TRIM5: variants seen among roughly 807,000 people sequenced by gnomAD.
TRIM5 encodes the protein tripartite motif containing 5, also known as tripartite motif-containing protein 5.
A neutral mutation model predicts 35.6 loss-of-function variants in TRIM5; 31 were observed. The ratio of observed to expected loss-of-function variants is 0.87; its 90% CI spans 0.65 to 1.18. The LOEUF (loss-of-function observed/expected upper bound fraction) is 1.18, where lower values mean the gene tolerates loss of function less well. TRIM5 is among the 50% of genes most tolerant of loss of function. The pLI is 0.00. For synonymous variants in TRIM5, 243 were observed against 215.6 expected, an observed-to-expected ratio of 1.13 and a Z score of -1.11; for missense variants, 609 against 591.6, an observed-to-expected ratio of 1.03 and a Z score of -0.31.
the TRIM5 span, chr11:5,644,346 A>T: frequency 5.0e-6 from 2 of 398,194 alleles, no homozygotes; most frequent in Admixed American, 4.4e-5. Flanking sequence ...AATGTAATGC[A>T]TCGATTTAGT....
chr11:5,671,773 T>C (rs913887396), intron 4 of TRIM5, among the ~76,000 whole-genome samples: 1 of 151,852 alleles, frequency 6.6e-6, no homozygotes, highest in Non-Finnish European at 1.5e-5. Flanking sequence ...TAAGATCTAT[T>C]ACATGTATGT....
chr11:5,621,986 G>C, the TRIM5 span, among the ~76,000 whole-genome samples: 7 of 152,058 alleles, frequency 4.6e-5, no homozygotes, highest in Admixed American at 3.3e-4. Flanking sequence ...AGGCTGTCAG[G>C]GACACATGTC....
At chr11:5,613,442 G>A in the TRIM5 span, among the ~76,000 whole-genome samples, 13 of 152,282 alleles carry the variant, frequency 8.5e-5, no homozygotes, top group East Asian at 1.7e-3. Flanking sequence ...TTGTTCTAAG[G>A]CACCGTTTTA....
chr11:5,623,327 CG>C, the TRIM5 span, among the ~76,000 whole-genome samples: 1 of 151,404 alleles, frequency 6.6e-6, no homozygotes, highest in Non-Finnish European at 1.5e-5. Context: ...AAAGTAATTG[CG>C]GTTCTTGCTA....
Position 5,664,415 on chromosome 11 carries a change from G to A in TRIM5, c.*394C>T, listed in dbSNP as rs904130422. ...GAGGGTAAACTGACACAGGGCTAAG[G>A]ACTCATTCATTGGTGAACAATTATC... On this transcript the variant is annotated 3_prime_UTR_variant, in exon 8 of 8. Transcript: ENST00000380034. 1 of 1,007,304 alleles carries A rather than the reference G, an allele frequency of 9.9e-7. No individual in the cohort carries two copies. Among genetic ancestry groups the A allele is most frequent in the South Asian group, 4.2e-5 (1 of 23,940 alleles). 62.4% of individuals were successfully genotyped at this position (1,007,304 alleles called of 1,614,324 possible). A position where few individuals can be genotyped will look rare whatever the true frequency, so the allele number is the denominator to read the frequency against.
At position 5,663,222 on chromosome 11, in the gene TRIM5, A is replaced by C. The variant is rs978567267; in HGVS notation, c.*1587T>G. 21 of 939,552 alleles carry C rather than the reference A, an allele frequency of 2.2e-5. No individual in the cohort carries two copies. The African/African-American group carries it at 3.7e-4, about 17-fold the overall frequency. 58.2% of individuals were successfully genotyped at this position (939,552 alleles called of 1,614,324 possible). A position where few individuals can be genotyped will look rare whatever the true frequency, so the allele number is the denominator to read the frequency against. ...TAGAAATGAGTGAAGCTATTCAAAA[A>C]ACTCGTTTAACTTTTAAAAAACTAC... On this transcript the variant is annotated 3_prime_UTR_variant, in exon 8 of 8. Coordinates refer to ENST00000380034, the MANE Select transcript of TRIM5 (RefSeq NM_033034.3).
the TRIM5 span, among the ~76,000 whole-genome samples, chr11:5,629,941 C>T: frequency 4.6e-5 from 7 of 152,208 alleles, no homozygotes; most frequent in African/African-American, 7.2e-5. Flanking sequence ...CTCCTTACCT[C>T]GTGATCCGCC....
chr11:5,627,520 C>T, the TRIM5 span, among the ~76,000 whole-genome samples: 1 of 152,160 alleles, frequency 6.6e-6, no homozygotes, highest in East Asian at 1.9e-4. Flanking sequence ...AGCATATTCT[C>T]ACGAAGTAAC....
At chr11:5,659,730 G>T (rs1850748895), downstream of TRIM5, among the ~76,000 whole-genome samples, 1 of 151,164 alleles carries the variant, frequency 6.6e-6, no homozygotes, top group Non-Finnish European at 1.5e-5. Context: ...TCCTGTTCTG[G>T]ATTCTGTATA....
chr11:5,603,365 G>C, the TRIM5 span: 2 of 1,613,956 alleles, frequency 1.2e-6, no homozygotes, highest in Non-Finnish European at 1.7e-6. Context: ...TGCCCTATCT[G>C]CCTGGAGCTC....
chr11:5,605,330 C>T, the TRIM5 span: 3 of 1,613,940 alleles, frequency 1.9e-6, no homozygotes, highest in African/African-American at 1.3e-5. Flanking sequence ...CTTCCCTGTT[C>T]CTGAAGAATC....
chr11:5,591,840 T>C, the TRIM5 span, among the ~76,000 whole-genome samples: 75 of 152,346 alleles, frequency 4.9e-4, no homozygotes, highest in Non-Finnish European at 7.5e-4. Context: ...GGGTTCCACC[T>C]GTGGTTGCAT....
the TRIM5 span, among the ~76,000 whole-genome samples, chr11:5,618,171 A>G: frequency 6.6e-6 from 1 of 152,194 alleles, no homozygotes; most frequent in Non-Finnish European, 1.5e-5. Flanking sequence ...TTACTGTTTG[A>G]CCAGCCTGAC....
the TRIM5 span, among the ~76,000 whole-genome samples, chr11:5,645,411 C>G: frequency 0.62 from 87,008 of 139,392 alleles, 27,522 homozygotes; most frequent in Admixed American, 0.68. Context: ...AAAAAAAAAA[C>G]TGTGAAAAAA....
the TRIM5 span, among the ~76,000 whole-genome samples, chr11:5,653,841 T>C: frequency 6.6e-6 from 1 of 152,146 alleles, no homozygotes; most frequent in African/African-American, 2.4e-5. Context: ...CTTTCTTTAT[T>C]TTTAGTATTG....
chr11:5,643,213 T>C, the TRIM5 span: 10 of 1,613,302 alleles, frequency 6.2e-6, no homozygotes, highest in South Asian at 1.1e-5. Flanking sequence ...AGACAAGTGA[T>C]ATCTGTGCCA....
intron 1 of TRIM5, among the ~76,000 whole-genome samples, chr11:5,683,440 G>A: frequency 6.6e-6 from 1 of 152,346 alleles, no homozygotes; most frequent in South Asian, 2.1e-4. Flanking sequence ...TCAGCACCCT[G>A]TGTCTAGCTC....
At chr11:5,652,651 CT>C in the TRIM5 span, among the ~76,000 whole-genome samples, 3 of 152,078 alleles carry the variant, frequency 2.0e-5, no homozygotes, top group Admixed American at 6.6e-5. Context: ...ATTTGGGTTC[CT>C]TTTTTTATTT....
chr11:5,634,497 ACACAC>A, the TRIM5 span: 1 of 274,242 alleles, frequency 3.6e-6, no homozygotes, highest in Admixed American at 5.2e-5. Flanking sequence ...ATAAATACAC[ACACAC>A]ACACACACAC....
Sources: allele counts gnomAD v4.1 joint callset (sites outside exome capture counted in the v4.1 genomes callset), GRCh38; gene constraint gnomAD v4.1.1; transcripts MANE v1.5; gene names NCBI Gene and HGNC (gene_info 2026-07-23, HGNC 2026-07-21).